The following FBXW9 variants were observed in gnomAD, a reference collection of about 807,000 sequenced individuals.
FBXW9 encodes F-box and WD repeat domain containing 9.
Under a neutral mutation model 55.8 loss-of-function variants are expected in FBXW9, and 38 were observed. The observed-to-expected ratio is 0.68, with a 90% CI of 0.53 to 0.89. The LOEUF (loss-of-function observed/expected upper bound fraction) is 0.89, where lower values mean the gene tolerates loss of function less well. Among genes scored for constraint, FBXW9 ranks in the 40% least tolerant of loss-of-function variants. The pLI, the probability that FBXW9 is intolerant of heterozygous loss-of-function variation, is 0.00. For synonymous variants in FBXW9, 289 were observed against 278.2 expected (o/e 1.04, Z -0.38); for missense variants, 590 against 619.4 (o/e 0.95, Z 0.50).
Position 12,695,502 on chromosome 19 carries a change from G to C in FBXW9, c.410-564C>G, listed in dbSNP as rs560007650. On this transcript the variant is annotated intron_variant, in intron 1 of 9. Transcript: ENST00000393261. ...CAACACCTTGAGAATCACTGATCCC[G>C]GAGTGATCCTGATTCCTCTCTAAGC... is the stretch of plus-strand genomic sequence containing the variant. Among the ~76,000 whole-genome samples the C allele has an allele frequency of 3.5e-4, 54 of 152,240 alleles. No individual in the cohort carries two copies. In the South Asian group the frequency reaches 0.011, roughly 31 times the overall value.
Position 12,690,060 on chromosome 19 carries a change from T to G in FBXW9, c.934A>C (p.Thr312Pro). 1 of 1,613,914 alleles carries G rather than the reference T, an allele frequency of 6.2e-7. No individual in the cohort carries two copies. The highest frequency in any genetic ancestry group is 8.5e-7 in the Non-Finnish European group (1 of 1,179,998). The change falls in exon 6 of 10, where the codon ACC becomes CCC. Residue 312 changes from threonine (T) to proline (P), a missense_variant. Coordinates refer to ENST00000393261, the MANE Select transcript of FBXW9 (RefSeq NM_032301.3). ...HQQLHSRPVL[T>P]LLADDRHIIS... ...ATGTGCCGGTCATCCGCCAGCAGGG[T>G]CAGCACGGGTCTGGAGTGTAGTTGC... is the stretch of plus-strand genomic sequence containing the variant.
Position 12,691,421 on chromosome 19 carries a change from G to T in FBXW9, c.712C>A (p.Arg238Ser), listed in dbSNP as rs770468401. 1 of 1,599,236 alleles carries T rather than the reference G, an allele frequency of 6.3e-7. No homozygotes were observed. Among genetic ancestry groups the T allele is most frequent in the East Asian group, 2.3e-5 (1 of 43,722 alleles). Reference sequence around the variant, plus strand: ...CTGTCCCAGGAGCCGGAGCACACGCGGTGGTCCTGCGCTGCCAGTGACCAC... The same window carrying T: ...CTGTCCCAGGAGCCGGAGCACACGCTGTGGTCCTGCGCTGCCAGTGACCAC... ...WVWSLAAQDH[R>S]VCSGSWDSTV... Residue 238 changes from arginine to serine, a missense_variant, in exon 4 of 10, where the codon CGC becomes AGC. Arg to Ser is a moderately radical substitution (Grantham distance 110). Transcript: ENST00000393261.
intron 3 of FBXW9, 62 bp from the exon 4 acceptor site, chr19:12,691,516 C>T: frequency 2.1e-6 from 3 of 1,412,650 alleles, no homozygotes; most frequent in Non-Finnish European, 2.9e-6. Flanking sequence ...AGACTGGGAT[C>T]GTTCTGTTTT....
chr19:12,693,603 CACACAA>C (rs2025040871), intron 3 of FBXW9, among the ~76,000 whole-genome samples: 7 of 72,926 alleles, frequency 9.6e-5, no homozygotes, highest in East Asian at 2.9e-4. Context: ...CACACACACA[CACACAA>C]AAGAAATTAG....
Position 12,696,200 on chromosome 19 carries a change from C to A in FBXW9, c.382G>T (p.Val128Leu). 1.3e-6 allele frequency: 2 copies of A among 1,546,320 alleles called. No homozygotes were observed. The highest frequency in any genetic ancestry group is 1.7e-6 in the Non-Finnish European group (2 of 1,147,660). ...TCCACCACTGGGTAGGGCGCGCGTA[C>A]GCGGCGTAGCGCGCGTAGCCTCCAG... ...VTWRLRALRR[V>L]RAPYPVVEEK... Residue 128 changes from valine to leucine, a missense_variant, in exon 1 of 10, where the codon GTA becomes TTA. Val to Leu is a conservative substitution (Grantham distance 32). Coordinates refer to ENST00000393261, the MANE Select transcript of FBXW9 (RefSeq NM_032301.3).
chr19:12,688,954 C>T lies in FBXW9; in HGVS notation c.*262G>A, dbSNP rs540674285. 2.5e-4 allele frequency: 164 copies of T among 654,716 alleles called. No individual in the cohort carries two copies. The highest frequency in any genetic ancestry group is 3.5e-4 in the Non-Finnish European group (124 of 354,368). 40.6% of individuals were successfully genotyped at this position (654,716 alleles called of 1,614,324 possible). On this transcript the variant is annotated 3_prime_UTR_variant, in exon 10 of 10. Coordinates refer to ENST00000393261, the MANE Select transcript of FBXW9 (RefSeq NM_032301.3). Reference sequence around the variant, plus strand: ...ATGTCAGGTTTATTTCTCCTTCGCTCTCAACTGAGAGCGGGGCATCCAAAT... The same window carrying T: ...ATGTCAGGTTTATTTCTCCTTCGCTTTCAACTGAGAGCGGGGCATCCAAAT...
At chr19:12,691,302 G>T (rs776605010) in intron 4 of FBXW9, 40 bp downstream of exon 4, 52 of 1,613,190 alleles carry the variant, frequency 3.2e-5, no homozygotes, top group Non-Finnish European at 4.1e-5. Flanking sequence ...GCCAGACAGG[G>T]TCCTATCCCC....
In FBXW9 at chr19:12,689,875, CT is replaced by C. The variant is rs2024980464; in HGVS notation, c.1033-2del. 1.2e-6 allele frequency: 2 copies of C among 1,613,816 alleles called. No homozygotes were observed. The highest frequency in any genetic ancestry group is 2.7e-5 in the African/African-American group (2 of 74,916). On this transcript the variant is annotated splice_acceptor_variant, in intron 6 of 9. Coordinates refer to ENST00000393261, the MANE Select transcript of FBXW9 (RefSeq NM_032301.3). LOFTEE classifies it high-confidence loss of function. This position sits in a 1 kb window ranked among gnomAD's most constrained non-coding sequence, Gnocchi z 5.9. ...ACATGCAGAGCAGGTAGGAGTCCAG[CT>C]ACGAGAGGGACAAGGGACGGGACAG...
intron 3 of FBXW9, among the ~76,000 whole-genome samples, chr19:12,693,555 T>TACAC (rs2025036405): frequency 2.4e-4 from 5 of 20,520 alleles, no homozygotes; most frequent in Admixed American, 9.1e-4. Flanking sequence ...TATATATATA[T>TACAC]ATATATACAC....
chr19:12,690,246 C>A, intron 5 of FBXW9, 136 bp from the exon 6 acceptor site: 2 of 1,429,540 alleles, frequency 1.4e-6, no homozygotes, highest in South Asian at 2.4e-5. Context: ...CACAGAGTGA[C>A]CCATCTCTCC....
chr19:12,689,719 G>GC lies in FBXW9; in HGVS notation c.1146+41dup, dbSNP rs1473877805. ...CACCAGGGGCTCGGGTAGGAAGGAA[G>GC]CCCGGGGGGAGGGACAGTCAGGGGC... is the stretch of plus-strand genomic sequence containing the variant. On this transcript the variant is annotated intron_variant, in intron 7 of 9. Coordinates refer to ENST00000393261, the MANE Select transcript of FBXW9 (RefSeq NM_032301.3). This position sits in a 1 kb window ranked among gnomAD's most constrained non-coding sequence, Gnocchi z 5.9. 1.9e-6 allele frequency: 3 copies of GC among 1,609,520 alleles called. No homozygotes were observed. The highest frequency in any genetic ancestry group is 1.7e-6 in the Non-Finnish European group (2 of 1,176,118).
In FBXW9 at chr19:12,691,248, T is replaced by C. The variant is rs200326181; in HGVS notation, c.801A>G (p.Ser267=). ...GQQFGEIKAS[S]AVLCLSYLPD... is the part of the protein sequence containing the mutation. ...GCAGGTAGGAGAGGCACAGCACGGC[T>C]GAGCTGGCCCTAGGGACACACAGAC... The change falls in exon 5 of 10, where the codon TCA becomes TCG. Residue 267 remains serine, a synonymous_variant. Coordinates refer to ENST00000393261, the MANE Select transcript of FBXW9 (RefSeq NM_032301.3). The C allele has an allele frequency of 1.9e-4, 304 of 1,614,206 alleles. No individual in the cohort carries two copies. The highest frequency in any genetic ancestry group is 2.5e-4 in the Non-Finnish European group (299 of 1,180,024).
intron 3 of FBXW9, among the ~76,000 whole-genome samples, chr19:12,693,968 C>A (rs138687993): frequency 6.6e-6 from 1 of 150,988 alleles, no homozygotes. Context: ...GGCGGGCAGA[C>A]CACGAGGTCT....
chr19:12,689,574 G>C lies in FBXW9; in HGVS notation c.1203C>G (p.Ala401=), dbSNP rs2024973752. 6.2e-7 allele frequency: 1 copy of C among 1,614,004 alleles called. No homozygotes were observed. The highest frequency in any genetic ancestry group is 8.5e-7 in the Non-Finnish European group (1 of 1,180,004). ...PITGIQYSVG[A]LYTTSTDKTI... ...TCTTGTCAGTGGATGTGGTGTACAA[G>C]GCTCCCACGGAGTACTGGATCCCAG... Residue 401 remains alanine (A), a synonymous_variant, in exon 8 of 10, where the codon GCC becomes GCG. Transcript: ENST00000393261. The surrounding 1 kb of genome is among the most constrained non-coding windows in gnomAD (Gnocchi z 5.9).
chr19:12,696,067 G>T, intron 1 of FBXW9, 106 bp downstream of exon 1: 1 of 1,156,428 alleles, frequency 8.6e-7, no homozygotes, highest in Non-Finnish European at 1.2e-6. Context: ...CACGAAGCCT[G>T]CACCAGAGGC....
Position 12,689,452 on chromosome 19 carries a change from T to C in FBXW9, c.1237-15A>G. The C allele has an allele frequency of 6.2e-7, 1 of 1,613,728 alleles. No homozygotes were observed. The highest frequency in any genetic ancestry group is 8.5e-7 in the Non-Finnish European group (1 of 1,179,924). On this transcript the variant is annotated splice_polypyrimidine_tract_variant and intron_variant, in intron 8 of 9. Coordinates refer to ENST00000393261, the MANE Select transcript of FBXW9 (RefSeq NM_032301.3). This position sits in a 1 kb window ranked among gnomAD's most constrained non-coding sequence, Gnocchi z 5.9. ...GGCACGTGCACCTAGTGAGGGGCAA[T>C]GGGCGAGGTCAAGAGGTGTGCCCCT...
chr19:12,691,073 A>C, intron 5 of FBXW9, 93 bp downstream of exon 5: 2 of 1,100,126 alleles, frequency 1.8e-6, no homozygotes, highest in South Asian at 2.6e-5. Flanking sequence ...GTATTTGGTT[A>C]AGTGACTATG....
rs1386841482 is a variant in FBXW9 at position 12,689,863 on chromosome 19, G to A, written c.1044C>T (p.Tyr348=). The A allele has an allele frequency of 2.0e-5, 32 of 1,613,950 alleles. No individual in the cohort carries two copies. Among genetic ancestry groups the A allele is most frequent in the African/African-American group, 4.0e-5 (3 of 74,922 alleles). Residue 348 remains tyrosine (Y), a synonymous_variant, in exon 7 of 10, where the codon TAC becomes TAT. Coordinates refer to ENST00000393261, the MANE Select transcript of FBXW9 (RefSeq NM_032301.3). This position sits in a 1 kb window ranked among gnomAD's most constrained non-coding sequence, Gnocchi z 5.9. ...SVLQRLQLDS[Y]LLCMSYQEPQ... ...GTTCCTGGTAGGACATGCAGAGCAG[G>A]TAGGAGTCCAGCTACGAGAGGGACA...
chr19:12,696,209 G>T lies in FBXW9; in HGVS notation c.373C>A (p.Leu125Ile). 1 of 1,550,276 alleles carries T rather than the reference G, an allele frequency of 6.5e-7. No homozygotes were observed. The highest frequency in any genetic ancestry group is 1.2e-5 in the South Asian group (1 of 84,634). ...GGGTAGGGCGCGCGTACGCGGCGTA[G>T]CGCGCGTAGCCTCCAGGTGACATGG... is the stretch of plus-strand genomic sequence containing the variant. ...SDHVTWRLRA[L>I]RRVRAPYPVV... is the part of the protein sequence containing the mutation. The change falls in exon 1 of 10, where the codon CTA (leucine) becomes ATA (isoleucine). Residue 125 changes from leucine (L) to isoleucine (I), a missense_variant. By Grantham distance (5) the Leu-to-Ile change is conservative (BLOSUM62 2). Coordinates refer to ENST00000393261, the MANE Select transcript of FBXW9 (RefSeq NM_032301.3).
Sources: allele counts gnomAD v4.1 joint callset (sites outside exome capture counted in the v4.1 genomes callset), GRCh38; gene constraint gnomAD v4.1.1; non-coding constraint Gnocchi (gnomAD v3.1); transcripts MANE v1.5; gene names NCBI Gene and HGNC (gene_info 2026-07-23, HGNC 2026-07-21).